Variants in WDR37 observed in about 807,000 individuals in gnomAD.
The protein encoded by WDR37 is WD repeat domain 37, also known as WD repeat-containing protein 37.
A neutral mutation model predicts 62.9 loss-of-function variants in WDR37; 19 were observed. The observed-to-expected ratio is 0.30, with a 90% CI of 0.21 to 0.44. The LOEUF (loss-of-function observed/expected upper bound fraction) is 0.44. Among genes scored for constraint, WDR37 ranks in the 20% least tolerant of loss-of-function variants. WDR37 has a pLI of 1.00. For synonymous variants in WDR37, 250 were observed against 260.9 expected, an observed-to-expected ratio of 0.96 and a Z score of 0.40; for missense variants, 474 against 657.6, an observed-to-expected ratio of 0.72 and a Z score of 3.05.
chr10:1,069,389 A>ATATATATATTT lies in WDR37; in HGVS notation c.-40-2726_-40-2725insATATATATTTT. On this transcript the variant is annotated intron_variant, in intron 1 of 13. Transcript: ENST00000263150. ...GGAAAGAATATATATATATATATAT[A>ATATATATATTT]TTTTTTTTTTTTTTTTTTGCAGCAG... 4.9e-3 allele frequency among the ~76,000 whole-genome samples: 467 copies of ATATATATATTT among 95,696 alleles called. 9 individuals carry two copies. Among genetic ancestry groups the ATATATATATTT allele is most frequent in the African/African-American group, 0.015 (328 of 21,288 alleles). 62.8% of individuals were successfully genotyped at this position (95,696 alleles called of 152,430 possible). A position where few individuals can be genotyped will look rare whatever the true frequency, so the allele number is the denominator to read the frequency against.
chr10:1,114,660 C>T (rs564051106), intron 11 of WDR37, among the ~76,000 whole-genome samples: 3 of 152,226 alleles, frequency 2.0e-5, no homozygotes, highest in East Asian at 1.9e-4. Flanking sequence ...CTGGAATGAA[C>T]GGAACCCGCA....
chr10:1,063,820 A>G (rs1833450525), intron 1 of WDR37, among the ~76,000 whole-genome samples: 1 of 152,078 alleles, frequency 6.6e-6, no homozygotes, highest in African/African-American at 2.4e-5. Context: ...GGGTCCGTGG[A>G]GGCTGAGTGG....
chr10:1,064,644 G>A (rs1168063785), intron 1 of WDR37, among the ~76,000 whole-genome samples: 1 of 135,860 alleles, frequency 7.4e-6, no homozygotes, highest in Admixed American at 8.4e-5. Flanking sequence ...CACCCAGGCT[G>A]GAGTGCAGTG....
At chr10:1,125,893 G>A (rs1835728932) in intron 13 of WDR37, among the ~76,000 whole-genome samples, 1 of 152,234 alleles carries the variant, frequency 6.6e-6, no homozygotes, top group South Asian at 2.1e-4. Flanking sequence ...GCTATGTGCT[G>A]TTCAGCCCAC....
rs1450150727 is a variant in WDR37, at chr10:1,130,586, T to A, written c.*1242T>A. The A allele has an allele frequency of 6.6e-6, 1 of 152,280 alleles. No individual in the cohort carries two copies. The highest frequency in any genetic ancestry group is 1.5e-5 in the Non-Finnish European group (1 of 68,064). 9.4% of individuals were successfully genotyped at this position (152,280 alleles called of 1,614,324 possible). ...GTTTCTTGCTGAGTTACAGTTTTGA[T>A]AAAGAGGCTCTCATTTCCTGTGTCT... is the stretch of plus-strand genomic sequence containing the variant. On this transcript the variant is annotated 3_prime_UTR_variant, in exon 14 of 14. Transcript: ENST00000263150.
intron 9 of WDR37, among the ~76,000 whole-genome samples, chr10:1,100,704 G>A (rs1367784061): frequency 2.0e-5 from 3 of 152,206 alleles, no homozygotes; most frequent in Non-Finnish European, 4.4e-5. Context: ...TGAGTTACTC[G>A]TTTAACTTCC....
chr10:1,080,068 A>G lies in WDR37; in HGVS notation c.293A>G (p.Asp98Gly). The G allele has an allele frequency of 6.2e-7, 1 of 1,614,164 alleles. No homozygotes were observed. Among genetic ancestry groups the G allele is most frequent in the Non-Finnish European group, 8.5e-7 (1 of 1,180,032 alleles). The change falls in exon 4 of 14, where the codon GAT becomes GGT. Residue 98 changes from aspartate (D) to glycine (G), a missense_variant. Physicochemically the swap from Asp to Gly is moderately conservative, Grantham distance 94. Coordinates refer to ENST00000263150, the MANE Select transcript of WDR37 (RefSeq NM_014023.4). ...TTAGCTGCTGAAGGACAAGCGATTGATGGAGCAGAGCTGAGTAAGGGCCAA... is the reference window on the plus strand; with the variant it reads ...TTAGCTGCTGAAGGACAAGCGATTGGTGGAGCAGAGCTGAGTAAGGGCCAA... ...ERLAAEGQAI[D>G]GAELSKGQLK...
intron 8 of WDR37, among the ~76,000 whole-genome samples, chr10:1,093,737 G>A (rs1305091315): frequency 2.0e-5 from 3 of 152,192 alleles, no homozygotes; most frequent in Non-Finnish European, 4.4e-5. Context: ...CGGTCTTCTC[G>A]AAGCCTTTCC....
rs1250766309 is a variant in WDR37 at position 1,130,952 on chromosome 10, A to G, written c.*1608A>G. The G allele has an allele frequency of 6.6e-6, 1 of 152,200 alleles. No individual in the cohort carries two copies. Among genetic ancestry groups the G allele is most frequent in the Non-Finnish European group, 1.5e-5 (1 of 68,040 alleles). The allele number at this position is 152,200 out of a possible 1,614,324, so 9.4% of individuals were successfully genotyped here. A position where few individuals can be genotyped will look rare whatever the true frequency, so the allele number is the denominator to read the frequency against. On this transcript the variant is annotated 3_prime_UTR_variant, in exon 14 of 14. Coordinates refer to ENST00000263150, the MANE Select transcript of WDR37 (RefSeq NM_014023.4). ...CAAGAAAAACCCATAACCACCTCAG[A>G]TGGATCTGACGTGGCTAAGGGACAA...
intron 9 of WDR37, among the ~76,000 whole-genome samples, chr10:1,099,920 G>C (rs1254909117): frequency 7.8e-6 from 1 of 127,568 alleles, no homozygotes; most frequent in Admixed American, 8.9e-5. Context: ...GGTGAGGAGG[G>C]TGAGCACTGA....
At chr10:1,078,676 T>C (rs1442808885) in intron 3 of WDR37, among the ~76,000 whole-genome samples, 1 of 152,216 alleles carries the variant, frequency 6.6e-6, no homozygotes, top group East Asian at 1.9e-4. Flanking sequence ...TCAGGGTTTG[T>C]GTTTGTAAAA....
intron 1 of WDR37, among the ~76,000 whole-genome samples, chr10:1,071,824 C>T (rs7083203): frequency 0.27 from 40,290 of 151,774 alleles, 6,143 homozygotes; most frequent in African/African-American, 0.41. Context: ...GTAGACTGTG[C>T]CTGGGGAATT....
chr10:1,058,362 G>A lies in WDR37; in HGVS notation c.-41+1394G>A, dbSNP rs1034052202. Among the ~76,000 whole-genome samples, 3 of 152,334 alleles carry A rather than the reference G, an allele frequency of 2.0e-5. No homozygotes were observed. In the South Asian group the frequency reaches 6.2e-4, roughly 32 times the overall value. ...GTGCTGTATACAGGAGATCTTGAGTGAGTGTGTTTCCCTCCTCCTCTTTTT... is the reference window on the plus strand; with the variant it reads ...GTGCTGTATACAGGAGATCTTGAGTAAGTGTGTTTCCCTCCTCCTCTTTTT... On this transcript the variant is annotated intron_variant, in intron 1 of 13. Transcript: ENST00000263150.
At position 1,075,446 on chromosome 10, in the gene WDR37, C is replaced by T. The variant is rs550740468; in HGVS notation, c.139-2461C>T. On this transcript the variant is annotated intron_variant, in intron 2 of 13. Transcript: ENST00000263150. ...TCCTTCCCCCAGCCCCCCAACGCCC[C>T]GACAGGCCCCGGTGTGTGATATTCC... 1.0e-4 allele frequency among the ~76,000 whole-genome samples: 15 copies of T among 150,632 alleles called. No individual in the cohort carries two copies. In the South Asian group the frequency reaches 2.6e-3, roughly 26 times the overall value.
rs144338117 is a variant in WDR37 at position 1,121,896 on chromosome 10, C to A, written c.1104-2322C>A. Among the ~76,000 whole-genome samples the A allele has an allele frequency of 1.1e-4, 16 of 151,900 alleles. No homozygotes were observed. The highest frequency in any genetic ancestry group is 3.9e-4 in the African/African-American group (16 of 41,340). ...GTGTTCCGGGGTCTCGGTGTCAGAG[C>A]GTGTTGCCAGGTGTTGTTGACGCAC... On this transcript the variant is annotated intron_variant, in intron 11 of 13. Transcript: ENST00000263150. This position sits in a 1 kb window ranked among gnomAD's most constrained non-coding sequence, Gnocchi z 4.5.
At chr10:1,120,266 G>A (rs1290076338) in intron 11 of WDR37, among the ~76,000 whole-genome samples, 2 of 152,230 alleles carry the variant, frequency 1.3e-5, no homozygotes, top group African/African-American at 4.8e-5. Context: ...AATGTGTTAG[G>A]AGTTGGATTT....
intron 1 of WDR37, 68 bp from the exon 2 acceptor site, chr10:1,072,045 ATCT>A: frequency 3.2e-6 from 4 of 1,240,120 alleles, no homozygotes; most frequent in Middle Eastern, 1.9e-4. Flanking sequence ...AGTCATCATT[ATCT>A]TCTTCACTGT....
rs1261944658 is a variant in WDR37, at chr10:1,132,314, A to C, written c.*2970A>C. 10 of 152,222 alleles carry C rather than the reference A, an allele frequency of 6.6e-5. No homozygotes were observed. The highest frequency in any genetic ancestry group is 1.0e-4 in the Non-Finnish European group (7 of 68,038). 9.4% of individuals were successfully genotyped at this position (152,222 alleles called of 1,614,324 possible). A position where few individuals can be genotyped will look rare whatever the true frequency, so the allele number is the denominator to read the frequency against. On this transcript the variant is annotated 3_prime_UTR_variant, in exon 14 of 14. Coordinates refer to ENST00000263150, the MANE Select transcript of WDR37 (RefSeq NM_014023.4). ...GGTCACTCGAAAAATTTTTAGACTT[A>C]AAAAGTCAGTTGTGTTTTGTGTCTG...
At chr10:1,065,071 C>T (rs542762467) in intron 1 of WDR37, among the ~76,000 whole-genome samples, 3 of 152,218 alleles carry the variant, frequency 2.0e-5, no homozygotes, top group East Asian at 3.9e-4. Context: ...GGAAATTCTC[C>T]AAACAGAAAG....
Sources: gnomAD v4.1 joint callset for allele counts (sites outside exome capture counted in the v4.1 genomes callset) on GRCh38, gnomAD v4.1.1 for gene constraint, Gnocchi (gnomAD v3.1) non-coding constraint, MANE v1.5 for transcripts, NCBI Gene and HGNC (gene_info 2026-07-23, HGNC 2026-07-21) for gene names.